Variants in ACADVL observed in about 807,000 individuals in gnomAD.
The protein encoded by ACADVL is acyl-CoA dehydrogenase very long chain.
Under a neutral mutation model 80.4 loss-of-function variants are expected in ACADVL, and 73 were observed. The observed-to-expected ratio is 0.91, with a 90% CI of 0.75 to 1.10. ACADVL has a LOEUF of 1.10. Among genes scored for constraint, ACADVL ranks in the 50% least tolerant of loss-of-function variants. The pLI is 0.00. For synonymous variants in ACADVL, 392 were observed against 326.5 expected, an observed-to-expected ratio of 1.20 and a Z score of -2.16; for missense variants, 878 against 858.9, an observed-to-expected ratio of 1.02 and a Z score of -0.28.
chr17:7,224,141 C>T lies in ACADVL; in HGVS notation c.1435-5C>T. On this transcript the variant is annotated splice_polypyrimidine_tract_variant and splice_region_variant and intron_variant, in intron 14 of 19. Transcript: ENST00000356839. ...TCCTGACTGCTGGACCCTCTTCCCC[C>T]ATAGGACAAAGGAAAGGAGCTCTCT... is the stretch of plus-strand genomic sequence containing the variant. The T allele has an allele frequency of 1.9e-6, 3 of 1,614,064 alleles. No homozygotes were observed. Among genetic ancestry groups the T allele is most frequent in the Non-Finnish European group, 2.5e-6 (3 of 1,179,994 alleles).
At position 7,223,865 on chromosome 17, in the gene ACADVL, G is replaced by C. The variant is rs2309689; in HGVS notation, c.1322G>C (p.Gly441Ala). ...TGCATCCAAATCATGGGGGGTATGG[G>C]CTTCATGAAGGTACAGGACGGTCTT... ...DECIQIMGGM[G>A]FMKEPGVERV... is the part of the protein sequence containing the mutation. Residue 441 changes from glycine to alanine, a missense_variant, in exon 13 of 20, where the codon GGC (glycine) becomes GCC (alanine). Gly to Ala is a moderately conservative substitution (Grantham distance 60). Coordinates refer to ENST00000356839, the MANE Select transcript of ACADVL (RefSeq NM_000018.4). 1 of 1,614,040 alleles carries C rather than the reference G, an allele frequency of 6.2e-7. No homozygotes were observed. The highest frequency in any genetic ancestry group is 8.5e-7 in the Non-Finnish European group (1 of 1,180,036).
upstream of ACADVL, chr17:7,218,329 A>G (rs1399964113): frequency 6.4e-7 from 1 of 1,572,698 alleles, no homozygotes; most frequent in Non-Finnish European, 8.7e-7. Flanking sequence ...AGGCCTCTCC[A>G]GGCACATCAC....
At chr17:7,219,300 C>T, upstream of ACADVL, 2 of 737,004 alleles carry the variant, frequency 2.7e-6, no homozygotes, top group African/African-American at 1.9e-5. Flanking sequence ...TCTGCCTGGG[C>T]ACATGGTCTC....
intron 6 of ACADVL, 57 bp from the exon 7 acceptor site, chr17:7,221,481 T>A: frequency 6.2e-6 from 10 of 1,613,030 alleles, no homozygotes; most frequent in Non-Finnish European, 8.5e-6. Flanking sequence ...CACTCTCCTG[T>A]TAAGGTCAGG....
In ACADVL at chr17:7,223,824, GA is replaced by G. The variant is rs1555528745; in HGVS notation, c.1283del (p.Lys428ArgfsTer2). 6.2e-7 allele frequency: 1 copy of G among 1,614,124 alleles called. No individual in the cohort carries two copies. Among genetic ancestry groups the G allele is most frequent in the South Asian group, 1.1e-5 (1 of 91,078 alleles). On this transcript the variant is annotated frameshift_variant, in exon 13 of 20. Coordinates refer to ENST00000356839, the MANE Select transcript of ACADVL (RefSeq NM_000018.4). LOFTEE classifies it high-confidence loss of function. ...TTCTTTGTCCCTAGGAGGCAGCCTGGAAGGTGACAGATGAATGCATCCAAAT... is the reference window on the plus strand; with the variant it reads ...TTCTTTGTCCCTAGGAGGCAGCCTGGAGGTGACAGATGAATGCATCCAAAT... ...SKIFGSEAAW[K>X]VTDECIQIMG...
Position 7,224,093 on chromosome 17 carries a change from G to A in ACADVL, c.1434+24G>A, listed in dbSNP as rs1555528806. 2.5e-6 allele frequency: 4 copies of A among 1,613,772 alleles called. No homozygotes were observed. Among genetic ancestry groups the A allele is most frequent in the Non-Finnish European group, 3.4e-6 (4 of 1,179,728 alleles). ...TGGTAAGACAGAGAATTGGGTGGGG[G>A]TAGAGGTGGGGAGGACAGTGAGTCC... On this transcript the variant is annotated intron_variant, in intron 14 of 19. Coordinates refer to ENST00000356839, the MANE Select transcript of ACADVL (RefSeq NM_000018.4).
chr17:7,217,679 G>C (rs980177734), upstream of ACADVL: 1 of 1,472,662 alleles, frequency 6.8e-7, no homozygotes, highest in Non-Finnish European at 9.1e-7. Flanking sequence ...GAATGGGGGG[G>C]GTGCCTTGGC....
upstream of ACADVL, chr17:7,219,528 G>A: frequency 9.4e-7 from 1 of 1,069,016 alleles, no homozygotes; most frequent in Non-Finnish European, 1.1e-6. Context: ...TGTGTTGGCC[G>A]AGATAGATTT....
intron 2 of ACADVL, 24 bp downstream of exon 2, chr17:7,220,221 G>A: frequency 6.6e-7 from 1 of 1,526,064 alleles, no homozygotes; most frequent in South Asian, 1.2e-5. Flanking sequence ...GCCTTGGCAA[G>A]GGGGTGTGGG....
chr17:7,220,882 G>A (rs545169660), intron 5 of ACADVL, 42 bp from the exon 6 acceptor site: 3 of 1,614,052 alleles, frequency 1.9e-6, no homozygotes, highest in Admixed American at 1.7e-5. Flanking sequence ...GAGATGTTAA[G>A]CTCAAAAGGA....
At position 7,222,069 on chromosome 17, in the gene ACADVL, A is replaced by G. The variant is rs2142977168; in HGVS notation, c.740A>G (p.Lys247Arg). ...AAATACTATACCCTCAATGGAAGCA[A>G]GCTTTGGATCAGGCAACCTGCCTCC... Reference protein sequence around the residue: ...CGKYYTLNGSKLWISNGGLAD... With the variant: ...CGKYYTLNGSRLWISNGGLAD... Residue 247 changes from lysine to arginine, a missense_variant, in exon 8 of 20, where the codon AAG (lysine) becomes AGG (arginine). Physicochemically the swap from Lys to Arg is conservative, Grantham distance 26. Coordinates refer to ENST00000356839, the MANE Select transcript of ACADVL (RefSeq NM_000018.4). 1 of 1,614,092 alleles carries G rather than the reference A, an allele frequency of 6.2e-7. No individual in the cohort carries two copies. Among genetic ancestry groups the G allele is most frequent in the Non-Finnish European group, 8.5e-7 (1 of 1,180,014 alleles).
In ACADVL at chr17:7,224,127, G is replaced by T. The variant is rs1223218362; in HGVS notation, c.1435-19G>T. On this transcript the variant is annotated intron_variant, in intron 14 of 19. Coordinates refer to ENST00000356839, the MANE Select transcript of ACADVL (RefSeq NM_000018.4). The stretch of plus-strand genomic sequence containing the variant: ...GGGAGGACAGTGAGTCCTGACTGCT[G>T]GACCCTCTTCCCCCATAGGACAAAG... 9 of 1,613,810 alleles carry T rather than the reference G, an allele frequency of 5.6e-6. No homozygotes were observed. The highest frequency in any genetic ancestry group is 7.6e-6 in the Non-Finnish European group (9 of 1,179,852).
In ACADVL at chr17:7,225,179, G is replaced by T; in HGVS notation, c.*82G>T. The T allele has an allele frequency of 6.3e-7, 1 of 1,591,860 alleles. No individual in the cohort carries two copies. Among genetic ancestry groups the T allele is most frequent in the Non-Finnish European group, 8.6e-7 (1 of 1,165,674 alleles). ...GCCCCTTTCCTTAAGGCCCTGGTTT[G>T]TCCCGAAGGGGCCTAGTGTTCCCAG... On this transcript the variant is annotated 3_prime_UTR_variant, in exon 20 of 20. Coordinates refer to ENST00000356839, the MANE Select transcript of ACADVL (RefSeq NM_000018.4).
At chr17:7,220,570 A>T (rs770101303) in intron 3 of ACADVL, 34 bp from the exon 4 acceptor site, 23 of 1,614,022 alleles carry the variant, frequency 1.4e-5, no homozygotes, top group Non-Finnish European at 1.9e-5. Flanking sequence ...GCCAGACCCA[A>T]CCAGAGCCCT....
At chr17:7,218,226 C>T, upstream of ACADVL, 1 of 1,605,196 alleles carries the variant, frequency 6.2e-7, no homozygotes, top group Non-Finnish European at 8.5e-7. Flanking sequence ...TAGGCGCTCG[C>T]CCCCACCTCC....
chr17:7,223,111 G>A, intron 10 of ACADVL, 22 bp from the exon 11 acceptor site: 6 of 1,592,604 alleles, frequency 3.8e-6, no homozygotes, highest in Non-Finnish European at 4.3e-6. Flanking sequence ...AACCACAGCG[G>A]GATGTGTGGA....
intron 7 of ACADVL, 40 bp from the exon 8 acceptor site, chr17:7,221,912 C>T (rs748338462): frequency 1.2e-6 from 2 of 1,613,846 alleles, no homozygotes; most frequent in Non-Finnish European, 1.7e-6. Flanking sequence ...GACTTTGAAG[C>T]TCATCAGAAC....
At chr17:7,220,433 C>G (rs755889997) in intron 2 of ACADVL, 31 bp from the exon 3 acceptor site, 1 of 1,613,692 alleles carries the variant, frequency 6.2e-7, no homozygotes, top group Admixed American at 1.7e-5. Flanking sequence ...GAAGTCCCTT[C>G]CCTGAACTTG....
chr17:7,218,310 C>A, upstream of ACADVL: 1 of 1,599,650 alleles, frequency 6.3e-7, no homozygotes, highest in South Asian at 1.1e-5. Flanking sequence ...TGAGTTACCT[C>A]CCCACCCCAG....
Sources: gnomAD v4.1 joint callset for allele counts on GRCh38, gnomAD v4.1.1 for gene constraint, MANE v1.5 for transcripts, NCBI Gene and HGNC (gene_info 2026-07-23, HGNC 2026-07-21) for gene names.